The following ANKFN1 variants were observed in gnomAD, a reference collection of about 807,000 sequenced individuals.
ANKFN1 encodes the protein ankyrin repeat and fibronectin type-III domain-containing protein 1.
In ANKFN1, 74 loss-of-function variants were observed where a neutral mutation model predicts 108.7. That is an observed-to-expected ratio of 0.68 (90% CI 0.56 to 0.83). ANKFN1 has a LOEUF of 0.83. Ranked by LOEUF, ANKFN1 falls within the 40% of genes least tolerant of loss-of-function variation. ANKFN1 has a pLI of 0.00. For synonymous variants in ANKFN1, 547 were observed against 516.2 expected, an observed-to-expected ratio of 1.06 and a Z score of -0.81; for missense variants, 1,505 against 1,382.3, an observed-to-expected ratio of 1.09 and a Z score of -1.41.
chr17:56,271,098 C>T (rs2043782298), intron 3 of ANKFN1, among the ~76,000 whole-genome samples: 2 of 152,204 alleles, frequency 1.3e-5, no homozygotes, highest in South Asian at 2.1e-4. Context: ...CAACCTCTGC[C>T]TTCTGGGCTC....
intron 19 of ANKFN1, among the ~76,000 whole-genome samples, chr17:56,497,026 A>C (rs2051221432): frequency 6.6e-6 from 1 of 152,120 alleles, no homozygotes; most frequent in Non-Finnish European, 1.5e-5. Context: ...TACTCTGCAA[A>C]GCTGAAAGCA....
Position 56,228,219 on chromosome 17 carries a change from C to T in ANKFN1, c.53+262C>T, listed in dbSNP as rs373274529. 110 of 385,090 alleles carry T rather than the reference C, an allele frequency of 2.9e-4. 1 individual carries two copies. The highest frequency in any genetic ancestry group is 2.0e-3 in the African/African-American group (93 of 47,220). 23.9% of individuals were successfully genotyped at this position (385,090 alleles called of 1,614,324 possible). A position where few individuals can be genotyped will look rare whatever the true frequency, so the allele number is the denominator to read the frequency against. Reference sequence around the variant, plus strand: ...TAAAAGTGAGGAGTAAAAAAATAGGCAATATTCATTTATATATTATGACCA... The same window carrying T: ...TAAAAGTGAGGAGTAAAAAAATAGGTAATATTCATTTATATATTATGACCA... On this transcript the variant is annotated intron_variant, in intron 3 of 20. Coordinates refer to ENST00000682825, the MANE Select transcript of ANKFN1 (RefSeq NM_001370326.1).
intron 4 of ANKFN1, among the ~76,000 whole-genome samples, chr17:56,130,059 A>T (rs1167852897): frequency 6.6e-6 from 1 of 152,246 alleles, no homozygotes; most frequent in Non-Finnish European, 1.5e-5. Flanking sequence ...GGCCGCTCAG[A>T]CAGTTGGTGC....
chr17:56,265,503 G>A (rs2043626151), intron 3 of ANKFN1, among the ~76,000 whole-genome samples: 1 of 152,148 alleles, frequency 6.6e-6, no homozygotes, highest in South Asian at 2.1e-4. Context: ...TGGGGACACA[G>A]AGCCAAACCA....
intron 15 of ANKFN1, among the ~76,000 whole-genome samples, chr17:56,467,791 G>A (rs1026296500): frequency 5.0e-3 from 275 of 54,668 alleles, no homozygotes; most frequent in South Asian, 8.0e-3. Context: ...AAGAAAGAAA[G>A]AAGAAAGAAA....
At chr17:56,338,512 G>C (rs2045876809) in intron 4 of ANKFN1, among the ~76,000 whole-genome samples, 1 of 152,010 alleles carries the variant, frequency 6.6e-6, no homozygotes, top group Non-Finnish European at 1.5e-5. Flanking sequence ...CAGTGAAAAT[G>C]GCTAATAAGG....
intron 8 of ANKFN1, among the ~76,000 whole-genome samples, chr17:56,408,858 A>C (rs551190846): frequency 6.6e-6 from 1 of 152,194 alleles, no homozygotes; most frequent in Non-Finnish European, 1.5e-5. Flanking sequence ...AAAAGTAAAA[A>C]CAATAGAGTT....
At chr17:56,291,909 G>A (rs2044373529) in intron 3 of ANKFN1, among the ~76,000 whole-genome samples, 1 of 152,216 alleles carries the variant, frequency 6.6e-6, no homozygotes, top group South Asian at 2.1e-4. Flanking sequence ...TTAGCTTAGA[G>A]AGGAAGGTAC....
rs1303016415 is a variant in ANKFN1, at chr17:56,292,003, A to G, written c.54-34218A>G. ...TAGGGCTGCACCTTTCGTATCTCCC[A>G]AATACTGCTGCCAGTATTTTGTTCT... On this transcript the variant is annotated intron_variant, in intron 3 of 20. Transcript: ENST00000682825. Among the ~76,000 whole-genome samples, 13 of 152,170 alleles carry G rather than the reference A, an allele frequency of 8.5e-5. No homozygotes were observed. In the East Asian group the frequency reaches 2.3e-3, roughly 27 times the overall value.
rs188306480 is a variant in ANKFN1 at position 56,095,396 on chromosome 17, A to G, written c.288+49071A>G. On this transcript the variant is annotated intron_variant, in intron 4 of 12. Transcript: ENST00000635860. The stretch of plus-strand genomic sequence containing the variant: ...AACCTTGAACTCCTAGGCTCAATCA[A>G]TCCTCCTACCTCAGCCTCTCAAGTA... 6.3e-4 allele frequency among the ~76,000 whole-genome samples: 95 copies of G among 150,710 alleles called. 1 individual carries two copies. Among genetic ancestry groups the G allele is most frequent in the Non-Finnish European group, 1.2e-3 (83 of 67,550 alleles).
chr17:56,398,960 A>G (rs2047670017), intron 8 of ANKFN1, among the ~76,000 whole-genome samples: 1 of 152,186 alleles, frequency 6.6e-6, no homozygotes, highest in African/African-American at 2.4e-5. Flanking sequence ...AAGCAATGCC[A>G]TGCTGGTACA....
intron 8 of ANKFN1, among the ~76,000 whole-genome samples, chr17:56,434,888 G>A (rs969274521): frequency 1.3e-5 from 2 of 152,130 alleles, no homozygotes; most frequent in Non-Finnish European, 2.9e-5. Flanking sequence ...GTGCTGGGTT[G>A]GGCAGTCTAG....
Position 56,510,707 on chromosome 17 carries a change from C to T in ANKFN1, c.2879C>T (p.Pro960Leu). 6.5e-7 allele frequency: 1 copy of T among 1,536,160 alleles called. No individual in the cohort carries two copies. The highest frequency in any genetic ancestry group is 8.7e-7 in the Non-Finnish European group (1 of 1,146,914). ...GPGQDPQGEG[P>L]NPDHSCAEFL... is the part of the protein sequence containing the mutation. Reference sequence around the variant, plus strand: ...GGCCAGGATCCCCAGGGCGAGGGCCCAAATCCCGATCACTCATGTGCCGAG... The same window carrying T: ...GGCCAGGATCCCCAGGGCGAGGGCCTAAATCCCGATCACTCATGTGCCGAG... Residue 960 changes from proline (P) to leucine (L), a missense_variant, in exon 21 of 21, where the codon CCA becomes CTA. Coordinates refer to ENST00000682825, the MANE Select transcript of ANKFN1 (RefSeq NM_001370326.1).
chr17:56,323,934 T>C (rs2045444712), intron 3 of ANKFN1, among the ~76,000 whole-genome samples: 1 of 152,158 alleles, frequency 6.6e-6, no homozygotes. Flanking sequence ...TGTCGTGCTT[T>C]CAGACCACAG....
chr17:56,210,501 A>AT (rs1914903086), intron 1 of ANKFN1, among the ~76,000 whole-genome samples: 1 of 151,996 alleles, frequency 6.6e-6, no homozygotes, highest in African/African-American at 2.4e-5. Flanking sequence ...GATGTTAAGC[A>AT]TTTTTTTCAT....
At chr17:56,227,742 G>T (rs576032675) in intron 2 of ANKFN1, among the ~76,000 whole-genome samples, 175 bp from the exon 3 acceptor site, 1 of 151,866 alleles carries the variant, frequency 6.6e-6, no homozygotes, top group East Asian at 1.9e-4. Flanking sequence ...TTTCTTTCTG[G>T]GCTACAGCCT....
chr17:56,373,755 G>A (rs1197245985), intron 7 of ANKFN1, among the ~76,000 whole-genome samples: 1 of 152,190 alleles, frequency 6.6e-6, no homozygotes, highest in Non-Finnish European at 1.5e-5. Context: ...TCTCCAGCAA[G>A]GCTGGTGCAT....
chr17:56,065,469 A>G (rs1184999451), intron 4 of ANKFN1, among the ~76,000 whole-genome samples: 1 of 152,172 alleles, frequency 6.6e-6, no homozygotes, highest in African/African-American at 2.4e-5. Context: ...ACGAGAACTT[A>G]GCTTTTGGCC....
chr17:56,493,569 G>A (rs993547066), intron 19 of ANKFN1, among the ~76,000 whole-genome samples: 1 of 152,134 alleles, frequency 6.6e-6, no homozygotes, highest in Non-Finnish European at 1.5e-5. Context: ...CAGATCACAA[G>A]GGCTTTATTA....
Sources: allele counts gnomAD v4.1 joint callset (sites outside exome capture counted in the v4.1 genomes callset), GRCh38; gene constraint gnomAD v4.1.1; transcripts MANE v1.5; gene names NCBI Gene and HGNC (gene_info 2026-07-23, HGNC 2026-07-21).